The following EPHB2 variants were observed in gnomAD, a reference collection of about 807,000 sequenced individuals.
EPHB2 encodes EPH receptor B2, also known as ephrin type-B receptor 2.
EPHB2 carries 18 observed loss-of-function variants against 96.4 expected under a neutral mutation model. That is an observed-to-expected ratio of 0.19 (90% CI 0.13 to 0.28). The LOEUF (loss-of-function observed/expected upper bound fraction) is 0.28, where lower values mean the gene tolerates loss of function less well. EPHB2 is among the 10% of genes least tolerant of loss of function. EPHB2 has a pLI of 1.00. For missense variants in EPHB2, 989 were observed against 1,355.4 expected (o/e 0.73, Z 4.25); for synonymous variants, 506 against 534.1 (o/e 0.95, Z 0.72).
In EPHB2 at chr1:22,722,277, G is replaced by A. The variant is rs181619646; in HGVS notation, c.61+11234G>A. 5.9e-4 allele frequency among the ~76,000 whole-genome samples: 90 copies of A among 152,200 alleles called. 1 individual carries two copies. The highest frequency in any genetic ancestry group is 1.9e-3 in the Admixed American group (29 of 15,296). ...TTCCCAAATTGTTGGGATTACAGAC[G>A]TGAGCCACCATGCCTGGTCTGAAAA... On this transcript the variant is annotated intron_variant, in intron 1 of 15. Coordinates refer to ENST00000374630, the MANE Select transcript of EPHB2 (RefSeq NM_017449.5).
chr1:22,760,668 G>C (rs569971286), intron 1 of EPHB2, among the ~76,000 whole-genome samples: 1 of 152,134 alleles, frequency 6.6e-6, no homozygotes, highest in Admixed American at 6.5e-5. Context: ...AGATGAGACC[G>C]CAGAGGCTGG....
chr1:22,790,157 G>C lies in EPHB2; in HGVS notation c.811+5081G>C, dbSNP rs2148432307. Among the ~76,000 whole-genome samples the C allele has an allele frequency of 6.6e-6, 1 of 152,292 alleles. No homozygotes were observed. The highest frequency in any genetic ancestry group is 6.5e-5 in the Admixed American group (1 of 15,304). ...GGATTTGGATGGGTGAAGGTAGGGA[G>C]GAAGGGAATTGTAGGCAGAGAGAAC... On this transcript the variant is annotated intron_variant, in intron 3 of 15. Coordinates refer to ENST00000374630, the MANE Select transcript of EPHB2 (RefSeq NM_017449.5). This position sits in a 1 kb window ranked among gnomAD's most constrained non-coding sequence, Gnocchi z 4.0.
chr1:22,830,236 C>T (rs1360995690), intron 3 of EPHB2, among the ~76,000 whole-genome samples: 2 of 152,198 alleles, frequency 1.3e-5, no homozygotes. Context: ...CCTTTGTCCC[C>T]AGAGGCTGGC....
At chr1:22,750,504 A>G (rs1570207152) in intron 1 of EPHB2, among the ~76,000 whole-genome samples, 1 of 152,322 alleles carries the variant, frequency 6.6e-6, no homozygotes, top group Non-Finnish European at 1.5e-5. Flanking sequence ...ACGCTGAATC[A>G]CACAGTAAGA....
At chr1:22,912,787 G>T in intron 15 of EPHB2, 188 bp downstream of exon 15, 1 of 767,090 alleles carries the variant, frequency 1.3e-6, no homozygotes. Flanking sequence ...CCACCTACAA[G>T]CTCTGTGACC....
At position 22,729,668 on chromosome 1, in the gene EPHB2, A is replaced by G. The variant is rs114913436; in HGVS notation, c.61+18625A>G. ...CTTGGATAACTCTCACCCATCCTCC[A>G]TGTTTTCAAGGAAGTGTTCCCAGAG... On this transcript the variant is annotated intron_variant, in intron 1 of 15. Coordinates refer to ENST00000374630, the MANE Select transcript of EPHB2 (RefSeq NM_017449.5). Among the ~76,000 whole-genome samples, 440 of 152,244 alleles carry G rather than the reference A, an allele frequency of 2.9e-3. 3 individuals carry two copies. The highest frequency in any genetic ancestry group is 0.01 in the African/African-American group (423 of 41,534).
chr1:22,854,851 C>G (rs866024496), intron 3 of EPHB2, among the ~76,000 whole-genome samples: 2 of 152,160 alleles, frequency 1.3e-5, no homozygotes, highest in Non-Finnish European at 2.9e-5. Flanking sequence ...ACTGACTCTG[C>G]TGGGTTAACC....
intron 1 of EPHB2, among the ~76,000 whole-genome samples, chr1:22,753,521 T>G (rs1020696676): frequency 2.0e-5 from 3 of 152,040 alleles, no homozygotes; most frequent in Non-Finnish European, 4.4e-5. Flanking sequence ...AAGCCCAGTC[T>G]GGGTGGTCAG....
chr1:22,864,474 C>G (rs1257893247), intron 4 of EPHB2, among the ~76,000 whole-genome samples: 3 of 152,128 alleles, frequency 2.0e-5, no homozygotes, highest in Non-Finnish European at 4.4e-5. Flanking sequence ...AAAGAAACAG[C>G]CCTAGTCAAC....
intron 3 of EPHB2, among the ~76,000 whole-genome samples, chr1:22,844,556 C>T (rs1186331445): frequency 1.3e-5 from 2 of 152,222 alleles, no homozygotes; most frequent in African/African-American, 2.4e-5. Context: ...GTCTTCTCAA[C>T]AACCTTAGGA....
chr1:22,795,550 G>A (rs181678653), intron 3 of EPHB2, among the ~76,000 whole-genome samples: 3 of 152,276 alleles, frequency 2.0e-5, no homozygotes, highest in African/African-American at 7.2e-5. Context: ...TCTTACATAT[G>A]TACAGTATTT....
intron 3 of EPHB2, among the ~76,000 whole-genome samples, chr1:22,861,683 GC>G (rs1274464318): frequency 6.6e-6 from 1 of 152,124 alleles, no homozygotes; most frequent in African/African-American, 2.4e-5. Context: ...AATGTTCTGG[GC>G]CCCAAGAAAG....
At chr1:22,745,360 A>G (rs1643957759) in intron 1 of EPHB2, among the ~76,000 whole-genome samples, 1 of 152,202 alleles carries the variant, frequency 6.6e-6, no homozygotes, top group African/African-American at 2.4e-5. Flanking sequence ...TACATACCCG[A>G]CTGGTTTCAC....
At chr1:22,886,004 G>A (rs763892756) in intron 6 of EPHB2, among the ~76,000 whole-genome samples, 2 of 152,100 alleles carry the variant, frequency 1.3e-5, no homozygotes, top group Non-Finnish European at 2.9e-5. Context: ...CAGGTGGCTC[G>A]GAGGCCTCAG....
chr1:22,764,408 T>C (rs1023183041), intron 1 of EPHB2, among the ~76,000 whole-genome samples: 3 of 152,098 alleles, frequency 2.0e-5, no homozygotes, highest in Admixed American at 6.6e-5. Context: ...AAAGGGAAGC[T>C]CAAGACTTGC....
intron 2 of EPHB2, among the ~76,000 whole-genome samples, chr1:22,781,707 C>T (rs10917296): frequency 0.11 from 17,408 of 151,972 alleles, 1,728 homozygotes; most frequent in African/African-American, 0.27. Context: ...ATGCTTTCAG[C>T]CTTTATCCCG....
chr1:22,793,960 T>A (rs140132306), intron 3 of EPHB2, among the ~76,000 whole-genome samples: 2,696 of 152,266 alleles, frequency 0.018, 75 homozygotes, highest in African/African-American at 0.062. Flanking sequence ...CTTTTATACC[T>A]GAATGTACTC....
At position 22,913,444 on chromosome 1, in the gene EPHB2, C is replaced by G. The variant is rs758614018; in HGVS notation, c.2853-18C>G. 6.2e-7 allele frequency: 1 copy of G among 1,613,844 alleles called. No homozygotes were observed. Among genetic ancestry groups the G allele is most frequent in the African/African-American group, 1.3e-5 (1 of 74,916 alleles). On this transcript the variant is annotated intron_variant, in intron 15 of 15. Transcript: ENST00000374630. This position sits in a 1 kb window ranked among gnomAD's most constrained non-coding sequence, Gnocchi z 4.1. ...TTCACCCGCATATTTCCCTAACACA[C>G]GTGCTTCTCTCCCAAAGGGACATTC...
At chr1:22,749,381 A>G (rs1309403811) in intron 1 of EPHB2, among the ~76,000 whole-genome samples, 1 of 152,162 alleles carries the variant, frequency 6.6e-6, no homozygotes, top group Non-Finnish European at 1.5e-5. Flanking sequence ...AAAAAGAGGA[A>G]TGCAGGGCAG....
Sources: allele counts gnomAD v4.1 joint callset (sites outside exome capture counted in the v4.1 genomes callset), GRCh38; gene constraint gnomAD v4.1.1; non-coding constraint Gnocchi (gnomAD v3.1); transcripts MANE v1.5; gene names NCBI Gene and HGNC (gene_info 2026-07-23, HGNC 2026-07-21).